SOX6: variants seen among roughly 807,000 people sequenced by gnomAD.
SOX6 encodes the protein transcription factor SOX-6.
In SOX6, 11 loss-of-function variants were observed where a neutral mutation model predicts 97.8. That is an observed-to-expected ratio of 0.11 (90% CI 0.07 to 0.19). The LOEUF is 0.19. SOX6 is among the 10% of genes least tolerant of loss of function. The pLI is 1.00. For synonymous variants in SOX6, 360 were observed against 371.4 expected, an observed-to-expected ratio of 0.97 and a Z score of 0.35; for missense variants, 810 against 1,039.5, an observed-to-expected ratio of 0.78 and a Z score of 3.04.
intron 3 of SOX6, among the ~76,000 whole-genome samples, chr11:16,642,552 C>G (rs1351781415): frequency 3.3e-5 from 5 of 152,224 alleles, no homozygotes; most frequent in African/African-American, 7.2e-5. Context: ...TCAGGTACAC[C>G]AATCAGACGT....
intron 1 of SOX6, among the ~76,000 whole-genome samples, chr11:16,449,487 T>G (rs1224696162): frequency 6.6e-6 from 1 of 152,004 alleles, no homozygotes; most frequent in African/African-American, 2.4e-5. Flanking sequence ...GGAGACAGGG[T>G]TTCACCGTGT....
At chr11:16,644,293 G>A (rs972604685) in intron 3 of SOX6, among the ~76,000 whole-genome samples, 1 of 152,160 alleles carries the variant, frequency 6.6e-6, no homozygotes, top group Non-Finnish European at 1.5e-5. Context: ...GCCTGCCTCA[G>A]CCTCTCAAAG....
chr11:16,249,288 A>G (rs1049865934), intron 3 of SOX6, among the ~76,000 whole-genome samples: 2 of 152,086 alleles, frequency 1.3e-5, no homozygotes, highest in Non-Finnish European at 2.9e-5. Context: ...TCTGCCAGAT[A>G]TCTTAAAGCA....
chr11:16,470,315 A>T (rs1400610760), intron 1 of SOX6, among the ~76,000 whole-genome samples: 2 of 152,044 alleles, frequency 1.3e-5, no homozygotes, highest in Non-Finnish European at 2.9e-5. Flanking sequence ...ACGCACTTAG[A>T]CCTACTTGTC....
chr11:16,162,733 A>G (rs187819780), intron 6 of SOX6, among the ~76,000 whole-genome samples: 1 of 152,296 alleles, frequency 6.6e-6, no homozygotes, highest in East Asian at 1.9e-4. Flanking sequence ...ATTTATATCA[A>G]TTCAAGAATA....
chr11:16,218,974 T>G (rs1852456853), intron 4 of SOX6, among the ~76,000 whole-genome samples: 1 of 152,094 alleles, frequency 6.6e-6, no homozygotes, highest in Admixed American at 6.6e-5. Context: ...GTACCCCTCT[T>G]GCACTCTTCT....
intron 4 of SOX6, among the ~76,000 whole-genome samples, chr11:16,502,441 C>T (rs534941435): frequency 7.1e-4 from 100 of 140,220 alleles, no homozygotes; most frequent in Non-Finnish European, 3.8e-4. Flanking sequence ...TTAACATGTA[C>T]CCTAAAATTT....
chr11:16,271,928 A>C (rs908086975), intron 3 of SOX6, among the ~76,000 whole-genome samples: 1 of 150,722 alleles, frequency 6.6e-6, no homozygotes, highest in Non-Finnish European at 1.5e-5. Context: ...CTTAACTTAT[A>C]ATTTAATTCA....
chr11:16,376,036 G>A (rs1161817860), intron 1 of SOX6, among the ~76,000 whole-genome samples: 1 of 152,018 alleles, frequency 6.6e-6, no homozygotes, highest in Non-Finnish European at 1.5e-5. Context: ...CAGGGAGTTG[G>A]GGGCTAGGGG....
intron 9 of SOX6, among the ~76,000 whole-genome samples, chr11:16,070,674 G>A (rs1461413221): frequency 1.3e-5 from 2 of 151,816 alleles, no homozygotes; most frequent in Admixed American, 6.6e-5. Flanking sequence ...GCAACAGAAG[G>A]ACACCGAGAG....
chr11:16,449,748 G>A (rs1859685932), intron 1 of SOX6, among the ~76,000 whole-genome samples: 1 of 152,132 alleles, frequency 6.6e-6, no homozygotes, highest in Non-Finnish European at 1.5e-5. Context: ...AGGGATATCA[G>A]TAAGTCCTCC....
intron 3 of SOX6, among the ~76,000 whole-genome samples, chr11:16,275,552 T>C (rs1854376531): frequency 6.6e-6 from 1 of 152,204 alleles, no homozygotes; most frequent in Non-Finnish European, 1.5e-5. Context: ...TGTGAATTAT[T>C]TTAATCGAAT....
At chr11:16,566,095 CAAAAAAA>C (rs67916329) in intron 4 of SOX6, among the ~76,000 whole-genome samples, 1 of 98,814 alleles carries the variant, frequency 1.0e-5, no homozygotes, top group Non-Finnish European at 2.2e-5. Context: ...GACTCCGTCT[CAAAAAAA>C]AAAAAAAAAA....
chr11:16,002,948 G>A (rs1297900540), intron 13 of SOX6, among the ~76,000 whole-genome samples: 2 of 152,070 alleles, frequency 1.3e-5, no homozygotes, highest in Non-Finnish European at 2.9e-5. Context: ...TATCTTTGCT[G>A]GACTATTATA....
chr11:15,985,585 C>G (rs570393312), intron 15 of SOX6, among the ~76,000 whole-genome samples: 2 of 152,148 alleles, frequency 1.3e-5, no homozygotes, highest in Non-Finnish European at 2.9e-5. Flanking sequence ...AAATTTATAC[C>G]AGAAATCTAT....
chr11:16,187,269 G>T (rs1851504490), intron 4 of SOX6, among the ~76,000 whole-genome samples: 1 of 152,050 alleles, frequency 6.6e-6, no homozygotes, highest in African/African-American at 2.4e-5. Context: ...ATTAAGCTAG[G>T]AAATCCATGA....
chr11:16,348,388 A>C (rs534844618), intron 1 of SOX6, among the ~76,000 whole-genome samples: 11 of 152,174 alleles, frequency 7.2e-5, no homozygotes, highest in Admixed American at 1.3e-4. Context: ...AAGTGCAAAC[A>C]TAATTACCAT....
At chr11:16,606,221 C>T (rs1848332112) in intron 4 of SOX6, among the ~76,000 whole-genome samples, 1 of 138,216 alleles carries the variant, frequency 7.2e-6, no homozygotes, top group African/African-American at 3.0e-5. Flanking sequence ...CTTTACTTCC[C>T]TCTTTTTTCT....
chr11:16,643,709 G>T (rs1031357113), intron 3 of SOX6, among the ~76,000 whole-genome samples: 1 of 151,874 alleles, frequency 6.6e-6, no homozygotes, highest in African/African-American at 2.4e-5. Context: ...AGGACCCTCC[G>T]AGCCAGGCGC....
Sources: allele counts gnomAD v4.1 joint callset (sites outside exome capture counted in the v4.1 genomes callset), GRCh38; gene constraint gnomAD v4.1.1; transcripts MANE v1.5; gene names NCBI Gene and HGNC (gene_info 2026-07-23, HGNC 2026-07-21).